Variants in RORA observed in about 807,000 individuals in gnomAD.
RORA encodes the protein nuclear receptor ROR-alpha.
In RORA, 7 loss-of-function variants were observed where a neutral mutation model predicts 69.5. The ratio of observed to expected loss-of-function variants is 0.10; its 90% CI spans 0.06 to 0.19. The LOEUF (loss-of-function observed/expected upper bound fraction) is 0.19, where lower values mean the gene tolerates loss of function less well. RORA is among the 10% of genes least tolerant of loss of function. RORA has a pLI of 1.00. For missense variants in RORA, 457 were observed against 663.0 expected (o/e 0.69, Z 3.41); for synonymous variants, 261 against 240.8 (o/e 1.08, Z -0.78).
intron 8 of RORA, among the ~76,000 whole-genome samples, chr15:60,501,921 A>G (rs1382199772): frequency 6.6e-6 from 1 of 152,224 alleles, no homozygotes; most frequent in Non-Finnish European, 1.5e-5. Context: ...CTCATTTTAG[A>G]TACTTATCCA....
intron 1 of RORA, among the ~76,000 whole-genome samples, chr15:60,844,394 A>C (rs1316434952): frequency 6.6e-6 from 1 of 152,142 alleles, no homozygotes; most frequent in Non-Finnish European, 1.5e-5. Context: ...TGGAAAAGCC[A>C]ATGAAGGAGT....
intron 1 of RORA, among the ~76,000 whole-genome samples, chr15:60,980,851 A>G (rs1448959442): frequency 6.6e-6 from 1 of 151,500 alleles, no homozygotes; most frequent in Non-Finnish European, 1.5e-5. Context: ...TTTTTTTTCT[A>G]TTATCTATTC....
At chr15:61,182,230 C>T (rs1331724246) in intron 1 of RORA, among the ~76,000 whole-genome samples, 1 of 152,188 alleles carries the variant, frequency 6.6e-6, no homozygotes, top group Admixed American at 6.5e-5. Context: ...ACCTCAGCCA[C>T]TTTAGGAAAA....
intron 3 of RORA, among the ~76,000 whole-genome samples, chr15:60,516,235 TTATA>T (rs376358835): frequency 7.9e-4 from 32 of 40,340 alleles, no homozygotes; most frequent in Non-Finnish European, 1.1e-3. Context: ...ATATATATAT[TTATA>T]TATATATATT....
intron 1 of RORA, among the ~76,000 whole-genome samples, chr15:61,187,859 C>T (rs532550406): frequency 6.6e-6 from 1 of 152,204 alleles, no homozygotes; most frequent in African/African-American, 2.4e-5. Flanking sequence ...CTGCCCAGTG[C>T]CTCACTTTGT....
intron 1 of RORA, among the ~76,000 whole-genome samples, chr15:60,713,327 C>G (rs1037037031): frequency 2.6e-5 from 4 of 152,094 alleles, no homozygotes; most frequent in Non-Finnish European, 5.9e-5. Flanking sequence ...CTCCTACCCC[C>G]ACTTTACCCA....
At chr15:60,801,072 G>C (rs562354683) in intron 1 of RORA, among the ~76,000 whole-genome samples, 1 of 152,308 alleles carries the variant, frequency 6.6e-6, no homozygotes, top group South Asian at 2.1e-4. Flanking sequence ...AGTATAAAGA[G>C]TTATTACCAA....
At chr15:60,506,572 G>T (rs1156925263) in intron 5 of RORA, among the ~76,000 whole-genome samples, 1 of 152,200 alleles carries the variant, frequency 6.6e-6, no homozygotes, top group Non-Finnish European at 1.5e-5. Flanking sequence ...GAAGAGATTG[G>T]CTGGGTGTGG....
At chr15:61,205,793 A>G (rs1045658726) in intron 1 of RORA, among the ~76,000 whole-genome samples, 8 of 152,106 alleles carry the variant, frequency 5.3e-5, no homozygotes, top group Non-Finnish European at 1.2e-4. Context: ...ACCTCCACAC[A>G]TGGAGAAGGG....
intron 2 of RORA, among the ~76,000 whole-genome samples, chr15:60,666,929 G>A (rs1373445834): frequency 6.6e-6 from 1 of 152,168 alleles, no homozygotes; most frequent in Admixed American, 6.5e-5. Context: ...ATTCCACCTT[G>A]TTTCTAAGGA....
chr15:61,015,195 C>T (rs919491771), intron 1 of RORA, among the ~76,000 whole-genome samples: 12 of 152,316 alleles, frequency 7.9e-5, no homozygotes, highest in Admixed American at 5.9e-4. Context: ...TGCCTTCCCA[C>T]CTGAGACAGA....
intron 1 of RORA, among the ~76,000 whole-genome samples, chr15:60,748,898 G>C (rs1004155725): frequency 6.6e-6 from 1 of 152,182 alleles, no homozygotes; most frequent in Non-Finnish European, 1.5e-5. Context: ...CCAGTACACG[G>C]AGGAACTCTA....
At chr15:60,517,121 T>TC (rs1184781817) in intron 3 of RORA, among the ~76,000 whole-genome samples, 9 of 150,240 alleles carry the variant, frequency 6.0e-5, no homozygotes, top group Non-Finnish European at 1.2e-4. Flanking sequence ...TTTTTTTTTT[T>TC]TTCCCCCCTA....
intron 1 of RORA, among the ~76,000 whole-genome samples, chr15:60,941,290 T>C (rs1404123592): frequency 1.3e-5 from 2 of 152,246 alleles, no homozygotes; most frequent in East Asian, 3.9e-4. Flanking sequence ...AGGTTCCTTG[T>C]CCTTGAAGTG....
At chr15:60,592,885 G>A (rs1419605551) in intron 2 of RORA, 1 of 458,250 alleles carries the variant, frequency 2.2e-6, no homozygotes, top group Admixed American at 2.4e-5. Flanking sequence ...CCACTCGGTG[G>A]GGCAAGAGGC....
rs1371295159 is a variant in RORA at position 61,147,613 on chromosome 15, A to C, written c.166+81440T>G. ...GTCCATCAGTAACTTCTTCCGCTAG[A>C]AAAGGAGTGTAGGAAGAAGAGTAAG... On this transcript the variant is annotated intron_variant, in intron 1 of 10. Coordinates refer to ENST00000335670, the MANE Select transcript of RORA (RefSeq NM_134261.3). This position sits in a 1 kb window ranked among gnomAD's most constrained non-coding sequence, Gnocchi z 4.1. Among the ~76,000 whole-genome samples the C allele has an allele frequency of 6.6e-6, 1 of 152,214 alleles. No homozygotes were observed. The highest frequency in any genetic ancestry group is 1.9e-4 in the East Asian group (1 of 5,192).
chr15:61,046,100 T>G (rs186537849), intron 1 of RORA, among the ~76,000 whole-genome samples: 101 of 151,944 alleles, frequency 6.6e-4, no homozygotes, highest in African/African-American at 2.1e-3. Flanking sequence ...GGGGAGGAAG[T>G]GAGAGGAAGC....
At chr15:61,119,045 G>T (rs910639754) in intron 1 of RORA, among the ~76,000 whole-genome samples, 1 of 146,600 alleles carries the variant, frequency 6.8e-6, no homozygotes, top group East Asian at 2.1e-4. Flanking sequence ...GACAGCATGA[G>T]CTGGGTGTTG....
intron 1 of RORA, among the ~76,000 whole-genome samples, chr15:61,157,667 G>A (rs1487328660): frequency 1.3e-5 from 2 of 152,142 alleles, no homozygotes; most frequent in African/African-American, 2.4e-5. Flanking sequence ...AAATCTTTGC[G>A]ATTGATTTTA....
Sources: allele counts gnomAD v4.1 joint callset (sites outside exome capture counted in the v4.1 genomes callset), GRCh38; gene constraint gnomAD v4.1.1; non-coding constraint Gnocchi (gnomAD v3.1); transcripts MANE v1.5; gene names NCBI Gene and HGNC (gene_info 2026-07-23, HGNC 2026-07-21).